The following MYOM1 variants were observed in gnomAD, a reference collection of about 807,000 sequenced individuals.
The protein encoded by MYOM1 is myomesin 1.
Under a neutral mutation model 205.3 loss-of-function variants are expected in MYOM1, and 164 were observed. That is an observed-to-expected ratio of 0.80 (90% confidence interval 0.70 to 0.91). The LOEUF (loss-of-function observed/expected upper bound fraction) is 0.91, where lower values mean the gene tolerates loss of function less well. Ranked by LOEUF, MYOM1 falls within the 40% of genes least tolerant of loss-of-function variation. The probability of loss-of-function intolerance (pLI) is 0.00; values close to 1 mark genes in which losing one functional copy is unlikely to be tolerated. For missense variants in MYOM1, 2,011 were observed against 2,127.3 expected (o/e 0.95, Z 1.08); for synonymous variants, 772 against 789.4 (o/e 0.98, Z 0.37).
rs796524602 is a variant in MYOM1, at chr18:3,212,799, C to A, written c.290+2135G>T. Reference sequence around the variant, plus strand: ...TTTCAGGGAAACAAATTGAGGCTGTCATATACATATGGTATTAATTCCTCC... The same window carrying A: ...TTTCAGGGAAACAAATTGAGGCTGTAATATACATATGGTATTAATTCCTCC... On this transcript the variant is annotated intron_variant, in intron 2 of 37. Coordinates refer to ENST00000356443, the MANE Select transcript of MYOM1 (RefSeq NM_003803.4). 3.9e-5 allele frequency among the ~76,000 whole-genome samples: 6 copies of A among 152,136 alleles called. No homozygotes were observed. In the South Asian group the frequency reaches 6.2e-4, roughly 16 times the overall value.
At chr18:3,100,643 G>C (rs771099394) in intron 23 of MYOM1, among the ~76,000 whole-genome samples, 3 of 152,140 alleles carry the variant, frequency 2.0e-5, no homozygotes, top group Non-Finnish European at 4.4e-5. Context: ...GATGGTGACG[G>C]GAGAGTGGAA....
At chr18:3,146,960 T>C (rs917491188) in intron 13 of MYOM1, among the ~76,000 whole-genome samples, 7 of 150,220 alleles carry the variant, frequency 4.7e-5, no homozygotes, top group African/African-American at 1.5e-4. Context: ...CAAAAATCAA[T>C]TGTGTTTCTT....
intron 14 of MYOM1, among the ~76,000 whole-genome samples, chr18:3,139,078 G>A (rs182058680): frequency 1.9e-4 from 29 of 152,254 alleles, no homozygotes; most frequent in African/African-American, 5.3e-4. Flanking sequence ...CCAGGAGTTC[G>A]AGATCAGCCT....
intron 9 of MYOM1, 27 bp from the exon 10 acceptor site, chr18:3,164,466 T>A (rs1236560895): frequency 6.4e-7 from 1 of 1,551,094 alleles, no homozygotes; most frequent in Non-Finnish European, 8.7e-7. Flanking sequence ...AGTAAGCAAA[T>A]TAACTTATTT....
chr18:3,091,216 T>G (rs1305056653), intron 26 of MYOM1, among the ~76,000 whole-genome samples: 2 of 151,990 alleles, frequency 1.3e-5, no homozygotes, highest in Non-Finnish European at 2.9e-5. Context: ...CCTGGGAGGC[T>G]GAGCCAGGAG....
intron 8 of MYOM1, among the ~76,000 whole-genome samples, chr18:3,169,277 T>G (rs2080519464): frequency 6.6e-6 from 1 of 152,208 alleles, no homozygotes; most frequent in Non-Finnish European, 1.5e-5. Flanking sequence ...TAATACCACA[T>G]TTAGCCTAGA....
At chr18:3,238,608 C>G in the MYOM1 span, among the ~76,000 whole-genome samples, 80,516 of 151,986 alleles carry the variant, frequency 0.53, 22,771 homozygotes, top group African/African-American at 0.73. Flanking sequence ...TGATACGGTA[C>G]ATTAGTTTTT....
At chr18:3,102,156 C>T (rs984521608) in intron 23 of MYOM1, among the ~76,000 whole-genome samples, 2 of 151,756 alleles carry the variant, frequency 1.3e-5, no homozygotes, top group African/African-American at 2.4e-5. Flanking sequence ...CACCCACCAC[C>T]ACACCCGGCT....
chr18:3,224,023 A>G (rs894566714), upstream of MYOM1, among the ~76,000 whole-genome samples: 2 of 147,078 alleles, frequency 1.4e-5, no homozygotes, highest in African/African-American at 2.6e-5. Flanking sequence ...TAAATCTAAC[A>G]TTAGATTTTT....
chr18:3,160,900 C>G (rs2080381875), intron 10 of MYOM1, among the ~76,000 whole-genome samples: 1 of 152,138 alleles, frequency 6.6e-6, no homozygotes, highest in Non-Finnish European at 1.5e-5. Context: ...AGGCACCATT[C>G]TGGGTGTGGG....
chr18:3,067,246 C>G lies in MYOM1; in HGVS notation c.*16G>C. ...CCCAAGTCACACAGGCCGGCTGGCT[C>G]TCCTCGCACCTCCGGTCACTTGGCC... On this transcript the variant is annotated 3_prime_UTR_variant, in exon 38 of 38. Transcript: ENST00000356443. The G allele has an allele frequency of 6.3e-7, 1 of 1,575,158 alleles. No individual in the cohort carries two copies. Among genetic ancestry groups the G allele is most frequent in the South Asian group, 1.2e-5 (1 of 86,738 alleles).
intron 14 of MYOM1, among the ~76,000 whole-genome samples, chr18:3,139,305 G>A (rs960848807): frequency 1.3e-5 from 2 of 152,194 alleles, no homozygotes; most frequent in Non-Finnish European, 2.9e-5. Flanking sequence ...ATAGGGGAGT[G>A]AGAAAAAGAG....
chr18:3,083,068 A>G (rs16944394), intron 33 of MYOM1, among the ~76,000 whole-genome samples: 7,165 of 152,266 alleles, frequency 0.047, 547 homozygotes, highest in African/African-American at 0.16. Context: ...TGTGTATAGA[A>G]AGAAAGGTAA....
intron 34 of MYOM1, among the ~76,000 whole-genome samples, chr18:3,077,081 T>C (rs756732434): frequency 1.4e-4 from 21 of 151,280 alleles, no homozygotes; most frequent in Admixed American, 4.6e-4. Context: ...AGTGCAATCA[T>C]AGCTTGAGGT....
Position 3,188,819 on chromosome 18 carries a change from C to A in MYOM1, c.700G>T (p.Glu234Ter). 6.2e-7 allele frequency: 1 copy of A among 1,610,412 alleles called. No individual in the cohort carries two copies. Among genetic ancestry groups the A allele is most frequent in the Non-Finnish European group, 8.5e-7 (1 of 1,177,280 alleles). Residue 234 changes from glutamate (E) to a stop codon, truncating the protein, a stop_gained, in exon 4 of 38, where the codon GAA becomes TAA. Transcript: ENST00000356443. LOFTEE classifies it high-confidence loss of function. ...TTCCTTGACTTCTTTTCAGAAGTTT[C>A]TTCCTGTTGAAGAGCGGATGTGGCC... ...KQATSALQQEETSEKKSRKVV... is the reference protein window; with the variant it reads ...KQATSALQQE
chr18:3,216,299 G>A (rs2081266410), intron 1 of MYOM1, among the ~76,000 whole-genome samples: 1 of 152,072 alleles, frequency 6.6e-6, no homozygotes, highest in South Asian at 2.1e-4. Context: ...AAATACAGTG[G>A]TAAACAAAAC....
chr18:3,217,755 G>A (rs1160129175), intron 1 of MYOM1, among the ~76,000 whole-genome samples: 3 of 152,166 alleles, frequency 2.0e-5, no homozygotes, highest in African/African-American at 7.2e-5. Flanking sequence ...GGCCAAGGCA[G>A]GAGGATTTCC....
intron 8 of MYOM1, 129 bp downstream of exon 8, chr18:3,173,809 T>C (rs908391332): frequency 2.6e-6 from 2 of 765,626 alleles, no homozygotes; most frequent in Non-Finnish European, 2.1e-6. Context: ...TAACCACAGG[T>C]ACCTACTACA....
chr18:3,199,473 C>A (rs1306823648), intron 2 of MYOM1, among the ~76,000 whole-genome samples: 1 of 152,202 alleles, frequency 6.6e-6, no homozygotes, highest in Admixed American at 6.5e-5. Context: ...CATTGGTTGA[C>A]TGCAAGCCTG....
Sources: allele counts gnomAD v4.1 joint callset (sites outside exome capture counted in the v4.1 genomes callset), GRCh38; gene constraint gnomAD v4.1.1; transcripts MANE v1.5; gene names NCBI Gene and HGNC (gene_info 2026-07-23, HGNC 2026-07-21).